Variants in HNF4G observed in about 807,000 individuals in gnomAD.
HNF4G encodes the protein hepatocyte nuclear factor 4 gamma, also known as hepatocyte nuclear factor 4-gamma.
HNF4G carries 21 observed loss-of-function variants against 50.9 expected under a neutral mutation model. That is an observed-to-expected ratio of 0.41 (90% CI 0.29 to 0.59). The LOEUF (loss-of-function observed/expected upper bound fraction) is 0.59, where lower values mean the gene tolerates loss of function less well. Ranked by LOEUF, HNF4G falls within the 20% of genes least tolerant of loss-of-function variation. HNF4G has a pLI of 0.26. For missense variants in HNF4G, 527 were observed against 559.4 expected (o/e 0.94, Z 0.58); for synonymous variants, 198 against 185.6 (o/e 1.07, Z -0.54).
chr8:75,419,825 G>T (rs188344147), intron 1 of HNF4G, among the ~76,000 whole-genome samples: 2 of 152,332 alleles, frequency 1.3e-5, no homozygotes, highest in African/African-American at 4.8e-5. Flanking sequence ...AGGAACAGTG[G>T]TTTATTGATT....
chr8:75,429,977 T>A (rs1352057771), intron 1 of HNF4G, among the ~76,000 whole-genome samples: 2 of 151,828 alleles, frequency 1.3e-5, no homozygotes, highest in Non-Finnish European at 2.9e-5. Flanking sequence ...CAGTGAAACC[T>A]CGTCTCTACT....
chr8:75,494,300 GCACACACACACACACACACA>G (rs755362411), intron 2 of HNF4G, among the ~76,000 whole-genome samples: 4 of 77,294 alleles, frequency 5.2e-5, no homozygotes, highest in Admixed American at 2.1e-4. Context: ...CTCCCATACA[GCACACACACACACACACACA>G]CACACACACA....
At chr8:75,536,332 A>G (rs538311170), upstream of HNF4G, among the ~76,000 whole-genome samples, 28 of 152,138 alleles carry the variant, frequency 1.8e-4, no homozygotes, top group South Asian at 5.8e-3. Flanking sequence ...TTTAACCTTT[A>G]GAAGTAAACT....
chr8:75,524,779 A>T (rs1221435533), intron 2 of HNF4G, among the ~76,000 whole-genome samples: 1 of 152,220 alleles, frequency 6.6e-6, no homozygotes. Flanking sequence ...TAACTTGGTT[A>T]TTGAATTGAT....
At chr8:75,511,871 C>T (rs1805763397) in intron 2 of HNF4G, among the ~76,000 whole-genome samples, 3 of 152,220 alleles carry the variant, frequency 2.0e-5, no homozygotes, top group Admixed American at 6.5e-5. Context: ...AGCCACCACG[C>T]CTGGCCTAGC....
intron 1 of HNF4G, among the ~76,000 whole-genome samples, chr8:75,420,157 G>A (rs1307235821): frequency 6.6e-6 from 1 of 151,634 alleles, no homozygotes; most frequent in Non-Finnish European, 1.5e-5. Context: ...TAATTCATCA[G>A]TAAATTAGAG....
chr8:75,507,682 T>C (rs1283775574), intron 2 of HNF4G, among the ~76,000 whole-genome samples: 1 of 152,214 alleles, frequency 6.6e-6, no homozygotes, highest in Admixed American at 6.5e-5. Context: ...ACTCTTCAAA[T>C]ACTGCATTTT....
At chr8:75,533,015 T>C (rs1277932126) in intron 2 of HNF4G, among the ~76,000 whole-genome samples, 1 of 152,022 alleles carries the variant, frequency 6.6e-6, no homozygotes, top group Non-Finnish European at 1.5e-5. Context: ...ATAAGCTCCA[T>C]GAGGGCAGGG....
intron 4 of HNF4G, among the ~76,000 whole-genome samples, chr8:75,552,426 AT>A (rs1252609804): frequency 1.3e-5 from 2 of 152,162 alleles, no homozygotes; most frequent in Non-Finnish European, 2.9e-5. Context: ...TATTACTTAT[AT>A]TTTTATATAG....
intron 5 of HNF4G, among the ~76,000 whole-genome samples, chr8:75,554,674 A>T (rs77707843): frequency 0.018 from 2,756 of 152,292 alleles, 83 homozygotes; most frequent in African/African-American, 0.059. Context: ...TAGCAGTAAA[A>T]ATACAGATTT....
At chr8:75,479,893 T>C (rs1441441107) in intron 1 of HNF4G, among the ~76,000 whole-genome samples, 2 of 152,178 alleles carry the variant, frequency 1.3e-5, no homozygotes, top group African/African-American at 4.8e-5. Context: ...TCATGACACT[T>C]TTAATTGATT....
intron 2 of HNF4G, among the ~76,000 whole-genome samples, chr8:75,516,043 C>T (rs890198143): frequency 5.3e-5 from 8 of 152,174 alleles, no homozygotes; most frequent in Admixed American, 3.3e-4. Flanking sequence ...GGATTACAGG[C>T]GCAAGCTACT....
At chr8:75,562,722 T>G (rs1585963228) in intron 9 of HNF4G, among the ~76,000 whole-genome samples, 1 of 152,336 alleles carries the variant, frequency 6.6e-6, no homozygotes. Context: ...CTTTCATTTT[T>G]ATTCTTGTTC....
At chr8:75,557,360 C>T (rs1807158929) in intron 6 of HNF4G, among the ~76,000 whole-genome samples, 1 of 152,188 alleles carries the variant, frequency 6.6e-6, no homozygotes, top group African/African-American at 2.4e-5. Flanking sequence ...TGGCTCATGC[C>T]TGTAATCCCA....
intron 2 of HNF4G, among the ~76,000 whole-genome samples, chr8:75,525,821 C>T (rs1163757342): frequency 9.2e-5 from 14 of 151,970 alleles, no homozygotes; most frequent in Admixed American, 9.2e-4. Flanking sequence ...ATTTTAAATG[C>T]CTGAGATTCC....
chr8:75,462,181 T>G (rs1381387440), intron 1 of HNF4G, among the ~76,000 whole-genome samples: 2 of 152,178 alleles, frequency 1.3e-5, no homozygotes, highest in Non-Finnish European at 1.5e-5. Flanking sequence ...ACTCCCAAAG[T>G]GCAGGGATTA....
At chr8:75,517,852 C>A (rs1206242353) in intron 2 of HNF4G, among the ~76,000 whole-genome samples, 1 of 152,124 alleles carries the variant, frequency 6.6e-6, no homozygotes, top group African/African-American at 2.4e-5. Flanking sequence ...TCTGACCTCA[C>A]ATTCTCCTTC....
chr8:75,537,648 A>G (rs1585934250), upstream of HNF4G, among the ~76,000 whole-genome samples: 1 of 152,154 alleles, frequency 6.6e-6, no homozygotes, highest in African/African-American at 2.4e-5. Context: ...AAAAACTAAA[A>G]TTCTAGAAGG....
At chr8:75,523,730 A>G (rs1806107207) in intron 2 of HNF4G, among the ~76,000 whole-genome samples, 1 of 151,898 alleles carries the variant, frequency 6.6e-6, no homozygotes, top group Non-Finnish European at 1.5e-5. Flanking sequence ...ATAAAATAGT[A>G]TTATATTTTA....
Sources: allele counts gnomAD v4.1 joint callset (sites outside exome capture counted in the v4.1 genomes callset), GRCh38; gene constraint gnomAD v4.1.1; transcripts MANE v1.5; gene names NCBI Gene and HGNC (gene_info 2026-07-23, HGNC 2026-07-21).